PM20D1: variants seen among roughly 807,000 people sequenced by gnomAD.
The protein encoded by PM20D1 is N-fatty-acyl-amino acid synthase/hydrolase PM20D1.
A neutral mutation model predicts 53.8 loss-of-function variants in PM20D1; 53 were observed. The observed-to-expected ratio is 0.98, with a 90% confidence interval of 0.79 to 1.24. The LOEUF (loss-of-function observed/expected upper bound fraction) is 1.24. Ranked by LOEUF, PM20D1 falls within the 50% of genes most tolerant of loss-of-function variation. The pLI, the probability that PM20D1 is intolerant of heterozygous loss-of-function variation, is 0.00. For synonymous variants in PM20D1, 239 were observed against 241.3 expected (o/e 0.99, Z 0.09); for missense variants, 564 against 616.8 (o/e 0.91, Z 0.91).
Position 205,830,391 on chromosome 1 carries a change from A to T in PM20D1, c.1286-12T>A. 6.4e-7 allele frequency: 1 copy of T among 1,571,134 alleles called. No individual in the cohort carries two copies. The highest frequency in any genetic ancestry group is 8.8e-7 in the Non-Finnish European group (1 of 1,140,872). ...GCCAATAGAAGTAACTAGAGAGGGA[A>T]GATCAACAGGAAAGGGGCTTTACAT... is the stretch of plus-strand genomic sequence containing the variant. On this transcript the variant is annotated splice_polypyrimidine_tract_variant and intron_variant, in intron 11 of 12. Coordinates refer to ENST00000367136, the MANE Select transcript of PM20D1 (RefSeq NM_152491.5).
chr1:205,844,296 A>G (rs754224808), intron 4 of PM20D1, 79 bp from the exon 5 acceptor site: 15 of 1,443,572 alleles, frequency 1.0e-5, no homozygotes, highest in Non-Finnish European at 1.4e-5. Flanking sequence ...GGACCTATTC[A>G]GCCTAGCTAG....
Position 205,850,027 on chromosome 1 carries a change from G to C in PM20D1, c.46C>G (p.Leu16Val). 3 of 1,614,152 alleles carry C rather than the reference G, an allele frequency of 1.9e-6. No homozygotes were observed. Among genetic ancestry groups the C allele is most frequent in the Non-Finnish European group, 2.5e-6 (3 of 1,180,010 alleles). ...VCVLALVAMLLLVFPTVSRSM... is the reference protein window; with the variant it reads ...VCVLALVAMLVLVFPTVSRSM... ...CTGGAGACGGTAGGGAAAACTAGGA[G>C]CAGCATAGCCACCAGGGCCAGCACG... Residue 16 changes from leucine (L) to valine (V), a missense_variant, in exon 1 of 13, where the codon CTC (leucine) becomes GTC (valine). Transcript: ENST00000367136.
At chr1:205,835,135 A>G (rs1259167378) in intron 10 of PM20D1, among the ~76,000 whole-genome samples, 11 of 152,124 alleles carry the variant, frequency 7.2e-5, no homozygotes, top group Non-Finnish European at 1.5e-4. Flanking sequence ...ATAACCTGAG[A>G]GGAGGTGTTC....
At position 205,843,780 on chromosome 1, in the gene PM20D1, T is replaced by G; in HGVS notation, c.714A>C (p.Ala238=). 6.2e-7 allele frequency: 1 copy of G among 1,613,834 alleles called. No individual in the cohort carries two copies. Among genetic ancestry groups the G allele is most frequent in the Non-Finnish European group, 8.5e-7 (1 of 1,179,874 alleles). The change falls in exon 6 of 13, where the codon GCA becomes GCC. Residue 238 remains alanine, a synonymous_variant. Transcript: ENST00000367136. ...GGTTCATGGAACCCTTCTCTGAGAC[T>G]GCAATCCTGTAGAAGAGGATCGGAA... ...PNFKKPIALI[A]VSEKGSMNLM...
At chr1:205,831,585 A>G (rs1317600741) in intron 11 of PM20D1, among the ~76,000 whole-genome samples, 2 of 100,328 alleles carry the variant, frequency 2.0e-5, no homozygotes, top group Admixed American at 2.3e-4. Context: ...TTTTTTTTTG[A>G]CAGAGTCTTG....
At position 205,844,338 on chromosome 1, in the gene PM20D1, C is replaced by T. The variant is rs1044970941; in HGVS notation, c.577-121G>A. 5 of 1,228,060 alleles carry T rather than the reference C, an allele frequency of 4.1e-6. No individual in the cohort carries two copies. In the Admixed American group the frequency reaches 1.3e-4, roughly 33 times the overall value. The allele number at this position is 1,228,060 out of a possible 1,614,324, so 76.1% of individuals were successfully genotyped here. A position where few individuals can be genotyped will look rare whatever the true frequency, so the allele number is the denominator to read the frequency against. The stretch of plus-strand genomic sequence containing the variant: ...CAGAACCTTTCTACCTAGTCTCCTT[C>T]CTGGGAGCCAGGGCCCTAGAGAATC... On this transcript the variant is annotated intron_variant, in intron 4 of 12. Transcript: ENST00000367136.
At chr1:205,847,420 CTG>C (rs1657015939) in intron 2 of PM20D1, among the ~76,000 whole-genome samples, 1 of 111,642 alleles carries the variant, frequency 9.0e-6, no homozygotes, top group African/African-American at 3.6e-5. Flanking sequence ...GGGAAAAAGA[CTG>C]ATGTTATAGC....
chr1:205,843,372 G>A (rs138865481), intron 6 of PM20D1, among the ~76,000 whole-genome samples: 1,539 of 152,160 alleles, frequency 0.01, 13 homozygotes, highest in South Asian at 0.026. Context: ...TCTCTCCTGT[G>A]GCTCCCCCAA....
intron 4 of PM20D1, 29 bp downstream of exon 4, chr1:205,844,782 G>C: frequency 6.3e-7 from 1 of 1,598,780 alleles, no homozygotes; most frequent in Non-Finnish European, 8.6e-7. Flanking sequence ...ACAGAGGACA[G>C]AGATAGGTAT....
At chr1:205,830,440 C>T (rs1417563765) in intron 11 of PM20D1, 61 bp from the exon 12 acceptor site, 2 of 1,261,206 alleles carry the variant, frequency 1.6e-6, no homozygotes, top group Non-Finnish European at 2.3e-6. Flanking sequence ...AGCGAAGTGG[C>T]TGGGGTGTGG....
intron 10 of PM20D1, among the ~76,000 whole-genome samples, chr1:205,836,670 A>G (rs574106994): frequency 2.0e-5 from 3 of 151,786 alleles, no homozygotes; most frequent in Admixed American, 2.0e-4. Context: ...CCTGCTTAAT[A>G]TTTATTTTTA....
Position 205,830,307 on chromosome 1 carries a change from A to G in PM20D1, c.1358T>C (p.Ile453Thr). ...LTTGIYRFYPIYIQPEDFKRI... is the reference protein window; with the variant it reads ...LTTGIYRFYPTYIQPEDFKRI... Reference sequence around the variant, plus strand: ...TTTGAAGTCTTCAGGCTGTATGTAGATGGGGTAGAACCTGTAGATGCCAGT... The same window carrying G: ...TTTGAAGTCTTCAGGCTGTATGTAGGTGGGGTAGAACCTGTAGATGCCAGT... The change falls in exon 12 of 13, where the codon ATC (isoleucine) becomes ACC (threonine). Residue 453 changes from isoleucine to threonine, a missense_variant. Transcript: ENST00000367136. The G allele has an allele frequency of 6.8e-6, 11 of 1,611,318 alleles. No individual in the cohort carries two copies. The highest frequency in any genetic ancestry group is 9.3e-6 in the Non-Finnish European group (11 of 1,177,486).
intron 10 of PM20D1, among the ~76,000 whole-genome samples, chr1:205,837,510 A>G (rs1191514933): frequency 6.6e-6 from 1 of 152,240 alleles, no homozygotes; most frequent in African/African-American, 2.4e-5. Context: ...ATGGAGCAAG[A>G]GAACTCTGGG....
intron 11 of PM20D1, 38 bp from the exon 12 acceptor site, chr1:205,830,417 G>T: frequency 6.8e-7 from 1 of 1,463,456 alleles, no homozygotes; most frequent in South Asian, 1.1e-5. Context: ...GGCTTTACAT[G>T]AGCAATCAAA....
Position 205,832,551 on chromosome 1 carries a change from A to G in PM20D1, c.1285+47T>C, listed in dbSNP as rs750937226. ...GGGAAGTAGACATTGGATAGGAAAC[A>G]GTTCCAGCCCCCTCCTCCCTCCAGC... On this transcript the variant is annotated intron_variant, in intron 11 of 12. Transcript: ENST00000367136. 6.9e-6 allele frequency: 11 copies of G among 1,600,094 alleles called. No homozygotes were observed. In the South Asian group the frequency reaches 1.1e-4, roughly 16 times the overall value.
chr1:205,829,056 G>A lies in PM20D1; in HGVS notation c.1386-313C>T, dbSNP rs1004648451. 2.0e-5 allele frequency among the ~76,000 whole-genome samples: 3 copies of A among 152,276 alleles called. No homozygotes were observed. In the South Asian group the frequency reaches 6.2e-4, roughly 32 times the overall value. On this transcript the variant is annotated intron_variant, in intron 12 of 12. Coordinates refer to ENST00000367136, the MANE Select transcript of PM20D1 (RefSeq NM_152491.5). ...AGAATTATCTTTTTTCTTGAGATAGGTTCTCACTCTGTAGCCCAGGCTAGA... is the reference window on the plus strand; with the variant it reads ...AGAATTATCTTTTTTCTTGAGATAGATTCTCACTCTGTAGCCCAGGCTAGA...
chr1:205,848,044 C>T (rs1657032941), intron 1 of PM20D1, 73 bp from the exon 2 acceptor site: 3 of 1,446,492 alleles, frequency 2.1e-6, no homozygotes, highest in Non-Finnish European at 2.9e-6. Flanking sequence ...CCTCTGTGCA[C>T]AAAAAGTTCT....
intron 8 of PM20D1, 113 bp downstream of exon 8, chr1:205,842,041 G>T: frequency 8.2e-7 from 1 of 1,218,124 alleles, no homozygotes; most frequent in Non-Finnish European, 1.2e-6. Flanking sequence ...TAGAGATGCA[G>T]TATCTGGTGG....
At chr1:205,843,638 G>A in intron 6 of PM20D1, 29 bp downstream of exon 6, 3 of 1,602,018 alleles carry the variant, frequency 1.9e-6, no homozygotes, top group Non-Finnish European at 2.6e-6. Flanking sequence ...CTCAAGTCTG[G>A]CATGGGAACA....
Sources: gnomAD v4.1 joint callset for allele counts (sites outside exome capture counted in the v4.1 genomes callset) on GRCh38, gnomAD v4.1.1 for gene constraint, MANE v1.5 for transcripts, NCBI Gene and HGNC (gene_info 2026-07-23, HGNC 2026-07-21) for gene names.